The following DCAF4 variants were observed in gnomAD, a reference collection of about 807,000 sequenced individuals.
DCAF4 encodes the protein DDB1- and CUL4-associated factor 4.
Under a neutral mutation model 60.9 loss-of-function variants are expected in DCAF4, and 37 were observed. That is an observed-to-expected ratio of 0.61 (90% confidence interval 0.47 to 0.80). DCAF4 has a LOEUF of 0.80. Among genes scored for constraint, DCAF4 ranks in the 30% least tolerant of loss-of-function variants. DCAF4 has a pLI of 0.00. For missense variants in DCAF4, 577 were observed against 650.0 expected, an observed-to-expected ratio of 0.89 and a Z score of 1.22; for synonymous variants, 243 against 254.8, an observed-to-expected ratio of 0.95 and a Z score of 0.44.
chr14:72,954,438 C>T lies in DCAF4; in HGVS notation c.960C>T (p.Ser320=). 1 of 1,614,236 alleles carries T rather than the reference C, an allele frequency of 6.2e-7. No homozygotes were observed. The highest frequency in any genetic ancestry group is 2.2e-5 in the East Asian group (1 of 44,878). Residue 320 remains serine, a synonymous_variant, in exon 11 of 14, where the codon TCC becomes TCT. Coordinates refer to ENST00000358377, the MANE Select transcript of DCAF4 (RefSeq NM_015604.4). ...LTNVVTGHRQ[S]FGTNSDVLAQ... Reference sequence around the variant, plus strand: ...ACGTGGTGACGGGACACCGGCAGTCCTTTGGGACCAACAGTGATGTCTTGG... The same window carrying T: ...ACGTGGTGACGGGACACCGGCAGTCTTTTGGGACCAACAGTGATGTCTTGG...
chr14:72,940,250 A>G lies in DCAF4; in HGVS notation c.224A>G (p.Lys75Arg). The change falls in exon 4 of 14, where the codon AAG becomes AGG. Residue 75 changes from lysine to arginine, a missense_variant. Coordinates refer to ENST00000358377, the MANE Select transcript of DCAF4 (RefSeq NM_015604.4). ...ELPGFYFDPEKKRYFRLLPGH... is the reference protein window; with the variant it reads ...ELPGFYFDPERKRYFRLLPGH... ...CCTGGGTTTTACTTTGACCCTGAAA[A>G]GAAACGCTACTTCCGCTTGCTCCCT... The G allele has an allele frequency of 6.2e-7, 1 of 1,614,116 alleles. No homozygotes were observed. Among genetic ancestry groups the G allele is most frequent in the East Asian group, 2.2e-5 (1 of 44,872 alleles).
At chr14:72,930,565 G>A (rs1211120218) in intron 1 of DCAF4, among the ~76,000 whole-genome samples, 1 of 152,130 alleles carries the variant, frequency 6.6e-6, no homozygotes, top group East Asian at 1.9e-4. Context: ...CACTGTGTCC[G>A]GCCCTAAATA....
chr14:72,929,065 G>A (rs1395939689), intron 1 of DCAF4, among the ~76,000 whole-genome samples: 1 of 152,208 alleles, frequency 6.6e-6, no homozygotes, highest in Non-Finnish European at 1.5e-5. Flanking sequence ...TCCCAGCACT[G>A]CGGGCGGCAC....
chr14:72,931,633 C>T (rs998976392), intron 1 of DCAF4, among the ~76,000 whole-genome samples: 1 of 152,188 alleles, frequency 6.6e-6, no homozygotes, highest in Non-Finnish European at 1.5e-5. Context: ...TTGTCTTTGG[C>T]CACTAAGTAT....
intron 9 of DCAF4, among the ~76,000 whole-genome samples, chr14:72,953,768 A>ATATAG (rs1567325444): frequency 1.0e-4 from 2 of 20,040 alleles, no homozygotes; most frequent in African/African-American, 2.9e-4. Context: ...TATATAGTTT[A>ATATAG]TTTATTTATT....
At chr14:72,954,634 G>A (rs1892033224) in intron 11 of DCAF4, 151 bp downstream of exon 11, 3 of 770,046 alleles carry the variant, frequency 3.9e-6, no homozygotes, top group Non-Finnish European at 6.2e-6. Context: ...TTGTAAGGGT[G>A]TCTGAGCCGA....
chr14:72,933,486 G>C (rs1056596403), intron 1 of DCAF4, among the ~76,000 whole-genome samples: 3 of 151,904 alleles, frequency 2.0e-5, no homozygotes, highest in Non-Finnish European at 4.4e-5. Flanking sequence ...TTGAACCCAG[G>C]AGGCAGAGGT....
At chr14:72,955,110 C>CA (rs1191603255) in intron 11 of DCAF4, among the ~76,000 whole-genome samples, 5,290 of 129,188 alleles carry the variant, frequency 0.041, 273 homozygotes, top group African/African-American at 0.13. Context: ...GACTCTGTCT[C>CA]AAAAAAAAAA....
intron 9 of DCAF4, among the ~76,000 whole-genome samples, chr14:72,952,158 G>C (rs1161794881): frequency 6.6e-6 from 1 of 152,220 alleles, no homozygotes; most frequent in African/African-American, 2.4e-5. Flanking sequence ...ACATCATTCA[G>C]AAAACACCTC....
In DCAF4 at chr14:72,945,875, C is replaced by T. The variant is rs754264390; in HGVS notation, c.535-9C>T. On this transcript the variant is annotated splice_polypyrimidine_tract_variant and intron_variant, in intron 6 of 13. Transcript: ENST00000358377. ...GGGACGTCACCCACTGCCCCCTTCCCTTCTCCAGGCAGATACCAACAGTGA... is the reference window on the plus strand; with the variant it reads ...GGGACGTCACCCACTGCCCCCTTCCTTTCTCCAGGCAGATACCAACAGTGA... The T allele has an allele frequency of 5.0e-6, 8 of 1,614,164 alleles. No individual in the cohort carries two copies. The East Asian group carries it at 1.6e-4, about 31-fold the overall frequency.
Position 72,956,799 on chromosome 14 carries a change from TC to T in DCAF4, c.1294+300del, listed in dbSNP as rs1301888185. On this transcript the variant is annotated intron_variant, in intron 13 of 13. Coordinates refer to ENST00000358377, the MANE Select transcript of DCAF4 (RefSeq NM_015604.4). The stretch of plus-strand genomic sequence containing the variant: ...CCTGGGTTTGGAGTTTGAGTGGATT[TC>T]ATCAGGCCAGCATTATTCCACCACG... 3 of 366,342 alleles carry T rather than the reference TC, an allele frequency of 8.2e-6. No individual in the cohort carries two copies. The East Asian group carries it at 2.2e-4, about 27-fold the overall frequency. 22.7% of individuals were successfully genotyped at this position (366,342 alleles called of 1,614,324 possible). A position where few individuals can be genotyped will look rare whatever the true frequency, so the allele number is the denominator to read the frequency against.
rs371027284 is a variant in DCAF4 at position 72,958,650 on chromosome 14, G to A, written c.1333G>A (p.Asp445Asn). The A allele has an allele frequency of 1.3e-5, 21 of 1,614,046 alleles. No homozygotes were observed. Among genetic ancestry groups the A allele is most frequent in the South Asian group, 2.2e-5 (2 of 91,088 alleles). Residue 445 changes from aspartate to asparagine, a missense_variant, in exon 14 of 14, where the codon GAT (aspartate) becomes AAT (asparagine). Transcript: ENST00000358377. ...DCYTRIWSLH[D>N]ARLLRTIPSP... is the part of the protein sequence containing the mutation. ...CTACACGAGAATCTGGAGCCTCCAC[G>A]ATGCCCGCCTACTGAGAACCATACC...
chr14:72,953,685 G>T (rs1188948155), intron 9 of DCAF4, among the ~76,000 whole-genome samples: 1 of 96,420 alleles, frequency 1.0e-5, no homozygotes, highest in Non-Finnish European at 2.1e-5. Context: ...ACTCCAGACT[G>T]GGCAAAAGAA....
At chr14:72,929,257 G>C (rs1033068084) in intron 1 of DCAF4, among the ~76,000 whole-genome samples, 1 of 152,242 alleles carries the variant, frequency 6.6e-6, no homozygotes, top group South Asian at 2.1e-4. Context: ...TTGGAGACCG[G>C]TGCAAAAATG....
downstream of DCAF4, chr14:72,961,724 G>A: frequency 1.5e-6 from 1 of 665,022 alleles, no homozygotes; most frequent in Non-Finnish European, 1.9e-6. Flanking sequence ...AGGATTGCGT[G>A]TTTGGCTGTG....
intron 1 of DCAF4, 163 bp from the exon 2 acceptor site, chr14:72,937,808 A>G: frequency 1.5e-6 from 1 of 657,708 alleles, no homozygotes; most frequent in Non-Finnish European, 1.9e-6. Context: ...GGAGTGCTGG[A>G]GGCAGCCCTT....
At chr14:72,935,574 G>A (rs1889159252) in intron 1 of DCAF4, among the ~76,000 whole-genome samples, 2 of 152,152 alleles carry the variant, frequency 1.3e-5, no homozygotes, top group African/African-American at 2.4e-5. Flanking sequence ...ATTTTTGCTT[G>A]ACCTTGCTAA....
chr14:72,959,711 G>T, downstream of DCAF4: 1 of 967,062 alleles, frequency 1.0e-6, no homozygotes, highest in Non-Finnish European at 1.2e-6. Context: ...GCTGGGACCA[G>T]CTTTCATAGC....
At position 72,954,025 on chromosome 14, in the gene DCAF4, C is replaced by A. The variant is rs555771210; in HGVS notation, c.809-139C>A. 5.8e-4 allele frequency: 500 copies of A among 860,688 alleles called. 6 individuals carry two copies. The East Asian group carries it at 0.012, about 21-fold the overall frequency. 53.3% of individuals were successfully genotyped at this position (860,688 alleles called of 1,614,324 possible). On this transcript the variant is annotated intron_variant, in intron 9 of 13. Coordinates refer to ENST00000358377, the MANE Select transcript of DCAF4 (RefSeq NM_015604.4). ...AGGCATCCCAGCTGAGTCTCTCTTGCAACCACAAAACCCAGAATGGGGCCA... is the reference window on the plus strand; with the variant it reads ...AGGCATCCCAGCTGAGTCTCTCTTGAAACCACAAAACCCAGAATGGGGCCA...
Sources: allele counts gnomAD v4.1 joint callset (sites outside exome capture counted in the v4.1 genomes callset), GRCh38; gene constraint gnomAD v4.1.1; transcripts MANE v1.5; gene names NCBI Gene and HGNC (gene_info 2026-07-23, HGNC 2026-07-21).